Variants in DOK6 observed in about 807,000 individuals in gnomAD.
The protein encoded by DOK6 is downstream of tyrosine kinase 6.
In DOK6, 22 loss-of-function variants were observed where a neutral mutation model predicts 44.0. That is an observed-to-expected ratio of 0.50 (90% CI 0.36 to 0.71). The LOEUF (loss-of-function observed/expected upper bound fraction) is 0.71. Among genes scored for constraint, DOK6 ranks in the 30% least tolerant of loss-of-function variants. DOK6 has a pLI of 0.00. For missense variants in DOK6, 340 were observed against 416.4 expected (o/e 0.82, Z 1.60); for synonymous variants, 166 against 145.5 (o/e 1.14, Z -1.01).
intron 1 of DOK6, among the ~76,000 whole-genome samples, chr18:69,557,150 C>T (rs773258760): frequency 2.0e-5 from 3 of 152,186 alleles, no homozygotes; most frequent in East Asian, 1.9e-4. Context: ...TACGACACTT[C>T]GTTCTATAAT....
At chr18:69,587,698 T>C (rs1983535610) in intron 2 of DOK6, among the ~76,000 whole-genome samples, 3 of 152,020 alleles carry the variant, frequency 2.0e-5, no homozygotes. Flanking sequence ...AGAGCGATGT[T>C]GTAACTGACT....
At chr18:69,585,217 CAT>C (rs1320971782) in intron 2 of DOK6, among the ~76,000 whole-genome samples, 2 of 151,808 alleles carry the variant, frequency 1.3e-5, no homozygotes, top group East Asian at 1.9e-4. Flanking sequence ...TTAAACTCTA[CAT>C]GTTTTGTAAT....
chr18:69,692,089 G>A (rs1278165693), intron 4 of DOK6, among the ~76,000 whole-genome samples: 1 of 152,156 alleles, frequency 6.6e-6, no homozygotes, highest in African/African-American at 2.4e-5. Context: ...AAAAGCAAAA[G>A]AAAGTGGGGC....
chr18:69,571,879 C>T (rs554997666), intron 2 of DOK6, among the ~76,000 whole-genome samples: 5 of 152,088 alleles, frequency 3.3e-5, no homozygotes, highest in African/African-American at 9.6e-5. Context: ...ACACAATCAA[C>T]CACTTTGACT....
At chr18:69,570,092 A>G (rs1983078820) in intron 2 of DOK6, among the ~76,000 whole-genome samples, 4 of 152,104 alleles carry the variant, frequency 2.6e-5, no homozygotes, top group Admixed American at 2.6e-4. Flanking sequence ...ACTGTTGAGT[A>G]CTATGCTTAG....
intron 3 of DOK6, among the ~76,000 whole-genome samples, chr18:69,655,490 C>T (rs575385910): frequency 5.9e-5 from 9 of 151,950 alleles, no homozygotes; most frequent in African/African-American, 1.2e-4. Flanking sequence ...CGGTGGCTCA[C>T]GCCTGTAATC....
chr18:69,458,072 G>A (rs543948599), intron 1 of DOK6, among the ~76,000 whole-genome samples: 1 of 152,294 alleles, frequency 6.6e-6, no homozygotes, highest in East Asian at 1.9e-4. Flanking sequence ...GAACCCGTGA[G>A]GCAGAACTTA....
At chr18:69,691,778 G>A (rs1039600997) in intron 4 of DOK6, among the ~76,000 whole-genome samples, 2 of 152,148 alleles carry the variant, frequency 1.3e-5, no homozygotes, top group Non-Finnish European at 2.9e-5. Flanking sequence ...CCTGTGAGAA[G>A]GAGCTCCAGC....
At chr18:69,659,537 A>G (rs1423745300) in intron 3 of DOK6, among the ~76,000 whole-genome samples, 2 of 152,204 alleles carry the variant, frequency 1.3e-5, no homozygotes, top group Non-Finnish European at 1.5e-5. Context: ...CCGGTTAATT[A>G]CACAGGCTGA....
At chr18:69,401,562 G>A (rs1368404814) in intron 1 of DOK6, among the ~76,000 whole-genome samples, 2 of 152,120 alleles carry the variant, frequency 1.3e-5, no homozygotes, top group East Asian at 1.9e-4. Context: ...TCGACCGTGC[G>A]GGGAAGTCAG....
intron 7 of DOK6, among the ~76,000 whole-genome samples, chr18:69,786,698 G>C (rs1980440597): frequency 6.6e-6 from 1 of 152,148 alleles, no homozygotes; most frequent in African/African-American, 2.4e-5. Flanking sequence ...GTTGCAAAAG[G>C]CACCTAAGGA....
intron 5 of DOK6, among the ~76,000 whole-genome samples, chr18:69,719,438 T>C (rs1288597913): frequency 6.6e-6 from 1 of 152,204 alleles, no homozygotes; most frequent in Admixed American, 6.5e-5. Flanking sequence ...AATAGTGATA[T>C]TATCTGTTGG....
At chr18:69,727,887 C>T (rs1978318409) in intron 5 of DOK6, among the ~76,000 whole-genome samples, 1 of 152,212 alleles carries the variant, frequency 6.6e-6, no homozygotes, top group Admixed American at 6.5e-5. Flanking sequence ...TGGTGTGATA[C>T]TATTTTCTGC....
chr18:69,486,184 A>T (rs1246762854), intron 1 of DOK6, among the ~76,000 whole-genome samples: 1 of 151,924 alleles, frequency 6.6e-6, no homozygotes, highest in East Asian at 1.9e-4. Context: ...CAGAGTATAG[A>T]CATTTCTTGT....
At chr18:69,754,019 C>T (rs551645487) in intron 6 of DOK6, among the ~76,000 whole-genome samples, 57 of 152,124 alleles carry the variant, frequency 3.7e-4, no homozygotes, top group Middle Eastern at 3.4e-3. Context: ...TGTTGATATA[C>T]ATACTTTTAT....
At chr18:69,759,420 AC>A (rs1260838512) in intron 7 of DOK6, among the ~76,000 whole-genome samples, 1 of 152,228 alleles carries the variant, frequency 6.6e-6, no homozygotes, top group Non-Finnish European at 1.5e-5. Flanking sequence ...AATGAAAAAA[AC>A]TATCAGATTT....
At chr18:69,823,607 A>T (rs1224806003) in intron 7 of DOK6, among the ~76,000 whole-genome samples, 1 of 146,200 alleles carries the variant, frequency 6.8e-6, no homozygotes, top group African/African-American at 2.5e-5. Context: ...TCCTTAGGAG[A>T]AGGAGAAGTG....
At chr18:69,783,490 A>T (rs1980338639) in intron 7 of DOK6, among the ~76,000 whole-genome samples, 1 of 152,128 alleles carries the variant, frequency 6.6e-6, no homozygotes, top group Non-Finnish European at 1.5e-5. Flanking sequence ...TTAACGTTAC[A>T]TTGGTGTTTT....
chr18:69,504,416 G>C (rs1284044330), intron 1 of DOK6, among the ~76,000 whole-genome samples: 1 of 151,854 alleles, frequency 6.6e-6, no homozygotes, highest in East Asian at 1.9e-4. Flanking sequence ...AACTTGACAA[G>C]GAAATAGAAA....
Sources: allele counts gnomAD v4.1 joint callset (sites outside exome capture counted in the v4.1 genomes callset), GRCh38; gene constraint gnomAD v4.1.1; transcripts MANE v1.5; gene names NCBI Gene and HGNC (gene_info 2026-07-23, HGNC 2026-07-21).